AGBL4: variants seen among roughly 807,000 people sequenced by gnomAD.
The protein encoded by AGBL4 is cytosolic carboxypeptidase 6.
In AGBL4, 58 loss-of-function variants were observed where a neutral mutation model predicts 66.4. The observed-to-expected ratio is 0.87, with a 90% CI of 0.71 to 1.09. The LOEUF (loss-of-function observed/expected upper bound fraction) is 1.09. Ranked by LOEUF, AGBL4 falls within the 50% of genes least tolerant of loss-of-function variation. The probability of loss-of-function intolerance (pLI) is 0.00; values close to 1 mark genes in which losing one functional copy is unlikely to be tolerated. For synonymous variants in AGBL4, 234 were observed against 222.9 expected, an observed-to-expected ratio of 1.05 and a Z score of -0.44; for missense variants, 579 against 631.0, an observed-to-expected ratio of 0.92 and a Z score of 0.88.
At chr1:49,352,366 CT>C (rs35699154) in intron 3 of AGBL4, among the ~76,000 whole-genome samples, 13,090 of 83,240 alleles carry the variant, frequency 0.16, 709 homozygotes, top group African/African-American at 0.38. Flanking sequence ...TGAATTGAAG[CT>C]TTTTTTTTTT....
chr1:48,569,172 G>C (rs940962581), intron 11 of AGBL4, among the ~76,000 whole-genome samples: 2 of 152,174 alleles, frequency 1.3e-5, no homozygotes, highest in Admixed American at 1.3e-4. Context: ...ACACTGAATA[G>C]AGTCGAAGGT....
intron 6 of AGBL4, among the ~76,000 whole-genome samples, chr1:48,686,230 C>G (rs1646529061): frequency 6.6e-6 from 1 of 152,208 alleles, no homozygotes; most frequent in Admixed American, 6.5e-5. Context: ...TCCTTGCCCT[C>G]ACCTTGGTTA....
chr1:49,308,382 A>G (rs1300758752), intron 3 of AGBL4, among the ~76,000 whole-genome samples: 1 of 152,146 alleles, frequency 6.6e-6, no homozygotes, highest in Non-Finnish European at 1.5e-5. Context: ...TTTAATGTCT[A>G]TGTAATAATT....
intron 11 of AGBL4, among the ~76,000 whole-genome samples, chr1:48,543,381 A>ACCATCCATCCAT (rs10568742): frequency 1.3e-5 from 2 of 148,496 alleles, no homozygotes; most frequent in Admixed American, 1.3e-4. Context: ...GAAATGATTT[A>ACCATCCATCCAT]CCATCCATCC....
intron 3 of AGBL4, among the ~76,000 whole-genome samples, chr1:49,401,506 G>A (rs565547855): frequency 1.3e-5 from 2 of 152,212 alleles, no homozygotes; most frequent in African/African-American, 4.8e-5. Context: ...GTATACCTGC[G>A]ATAATTCCTA....
At chr1:48,844,339 C>G (rs2148799906) in intron 6 of AGBL4, among the ~76,000 whole-genome samples, 1 of 152,334 alleles carries the variant, frequency 6.6e-6, no homozygotes, top group South Asian at 2.1e-4. Flanking sequence ...CACGTGCAAT[C>G]TCTCCTTCAC....
intron 3 of AGBL4, among the ~76,000 whole-genome samples, chr1:49,540,230 T>C (rs1375623257): frequency 1.3e-5 from 2 of 152,250 alleles, no homozygotes; most frequent in African/African-American, 4.8e-5. Context: ...ACTTTACCTA[T>C]GTTACAATTA....
intron 1 of AGBL4, among the ~76,000 whole-genome samples, chr1:50,012,038 A>G (rs1176347899): frequency 2.0e-5 from 3 of 152,124 alleles, no homozygotes; most frequent in East Asian, 3.9e-4. Flanking sequence ...GGGCGCCTGT[A>G]GTCCCAGCTA....
chr1:49,114,514 C>G (rs1354401467), intron 4 of AGBL4, among the ~76,000 whole-genome samples: 1 of 152,166 alleles, frequency 6.6e-6, no homozygotes, highest in Non-Finnish European at 1.5e-5. Context: ...TGGCAGAACA[C>G]TTTTTATTTT....
At chr1:48,582,352 G>A (rs1246332793) in intron 11 of AGBL4, among the ~76,000 whole-genome samples, 2 of 152,118 alleles carry the variant, frequency 1.3e-5, no homozygotes, top group East Asian at 3.8e-4. Flanking sequence ...TTAGAATCAG[G>A]AACATCTTAG....
At chr1:49,733,137 C>G (rs1649585695) in intron 2 of AGBL4, among the ~76,000 whole-genome samples, 1 of 152,132 alleles carries the variant, frequency 6.6e-6, no homozygotes. Context: ...ATGACATAGT[C>G]AGAATGCTGA....
intron 5 of AGBL4, among the ~76,000 whole-genome samples, chr1:49,009,116 T>G (rs1358712516): frequency 2.0e-5 from 3 of 151,350 alleles, no homozygotes; most frequent in African/African-American, 7.3e-5. Flanking sequence ...ATCAACAAAA[T>G]AGATAGACTG....
At chr1:49,550,717 T>G (rs1289694703) in intron 3 of AGBL4, among the ~76,000 whole-genome samples, 2 of 152,204 alleles carry the variant, frequency 1.3e-5, no homozygotes, top group Non-Finnish European at 2.9e-5. Context: ...AGTGCTTCTG[T>G]CTCACAGCTC....
intron 1 of AGBL4, among the ~76,000 whole-genome samples, chr1:49,869,574 A>G (rs1391776361): frequency 6.6e-6 from 1 of 152,070 alleles, no homozygotes; most frequent in African/African-American, 2.4e-5. Flanking sequence ...GAGAGGAAAA[A>G]CACACACCGG....
intron 3 of AGBL4, among the ~76,000 whole-genome samples, chr1:49,654,716 G>T (rs1415250494): frequency 6.6e-6 from 1 of 152,154 alleles, no homozygotes; most frequent in Non-Finnish European, 1.5e-5. Context: ...TTGGTTTAAA[G>T]TCTGTTTTAT....
chr1:49,686,211 T>C (rs1412095145), intron 3 of AGBL4, among the ~76,000 whole-genome samples: 3 of 152,176 alleles, frequency 2.0e-5, no homozygotes, highest in Non-Finnish European at 4.4e-5. Flanking sequence ...TGGTTATAGA[T>C]ATGTGGCTTT....
At chr1:49,373,038 C>T (rs1003850426) in intron 3 of AGBL4, among the ~76,000 whole-genome samples, 17 of 152,224 alleles carry the variant, frequency 1.1e-4, no homozygotes, top group African/African-American at 2.6e-4. Flanking sequence ...GGATTATAGG[C>T]GTGAGCCACT....
chr1:49,647,718 G>A (rs1053072389), intron 3 of AGBL4, among the ~76,000 whole-genome samples: 3 of 151,888 alleles, frequency 2.0e-5, no homozygotes, highest in African/African-American at 7.3e-5. Flanking sequence ...TAACCTACAG[G>A]GATTTGGTCA....
chr1:49,185,657 A>G (rs1647003246), intron 4 of AGBL4, among the ~76,000 whole-genome samples: 2 of 152,140 alleles, frequency 1.3e-5, no homozygotes, highest in African/African-American at 4.8e-5. Flanking sequence ...CACATTAAAA[A>G]CACGAAGGAA....
Sources: gnomAD v4.1 joint callset for allele counts (sites outside exome capture counted in the v4.1 genomes callset) on GRCh38, gnomAD v4.1.1 for gene constraint, MANE v1.5 for transcripts, NCBI Gene and HGNC (gene_info 2026-07-23, HGNC 2026-07-21) for gene names.